Variants in RNF128 observed in about 807,000 individuals in gnomAD.
RNF128 encodes ring finger protein 128.
In RNF128, 13 loss-of-function variants were observed where a neutral mutation model predicts 26.2. The ratio of observed to expected loss-of-function variants is 0.50; its 90% CI spans 0.32 to 0.79. The LOEUF is 0.79. Among genes scored for constraint, RNF128 ranks in the 30% least tolerant of loss-of-function variants. RNF128 has a pLI of 0.03. For synonymous variants in RNF128, 149 were observed against 142.5 expected (o/e 1.05, Z -0.32); for missense variants, 315 against 349.7 (o/e 0.90, Z 0.79).
At chrX:106,744,062 T>A (rs996759483) in intron 1 of RNF128, among the ~76,000 whole-genome samples, 4 of 107,515 alleles carry the variant, frequency 3.7e-5, no homozygotes, top group Non-Finnish European at 7.7e-5. Context: ...ATGAGAACAC[T>A]TGGACACAGG....
chrX:106,719,201 T>A (rs766193471), intron 1 of RNF128, among the ~76,000 whole-genome samples: 68 of 94,153 alleles, frequency 7.2e-4, no homozygotes, highest in African/African-American at 2.5e-3. Context: ...GCCTGTAGAT[T>A]AAAAAAAAAA....
At chrX:106,712,413 A>G (rs1269531360) in intron 1 of RNF128, among the ~76,000 whole-genome samples, 1 of 112,589 alleles carries the variant, frequency 8.9e-6, no homozygotes, top group African/African-American at 3.2e-5. Context: ...AAAGCCAGTA[A>G]AGCAAGGTTA....
chrX:106,756,562 C>T (rs1350308666), intron 1 of RNF128, among the ~76,000 whole-genome samples: 1 of 109,625 alleles, frequency 9.1e-6, no homozygotes, highest in Non-Finnish European at 1.9e-5. Context: ...GGATCCCTTC[C>T]TTACACCTTA....
intron 1 of RNF128, among the ~76,000 whole-genome samples, chrX:106,768,187 T>G (rs2147692248): frequency 9.0e-6 from 1 of 111,520 alleles, no homozygotes; most frequent in East Asian, 2.8e-4. Flanking sequence ...TTTTTTTATT[T>G]TCTCTCTGCC....
chrX:106,771,730 G>A (rs1392402756), intron 1 of RNF128, among the ~76,000 whole-genome samples: 4 of 112,566 alleles, frequency 3.6e-5, no homozygotes, highest in Non-Finnish European at 5.6e-5. Context: ...GCCCTGCTCC[G>A]TGGGCTGTAC....
chrX:106,704,587 C>A (rs1254837971), intron 1 of RNF128, among the ~76,000 whole-genome samples: 1 of 110,841 alleles, frequency 9.0e-6, no homozygotes, highest in Non-Finnish European at 1.9e-5. Context: ...CATGATAAGA[C>A]GGGTTTTGGT....
intron 1 of RNF128, among the ~76,000 whole-genome samples, chrX:106,754,411 T>TTTG (rs1929961695): frequency 8.9e-5 from 1 of 11,203 alleles, no homozygotes; most frequent in African/African-American, 3.6e-4. Flanking sequence ...TTTCTTTCTC[T>TTTG]TTTTTTTTTT....
chrX:106,790,009 G>A (rs1057345577), intron 4 of RNF128, among the ~76,000 whole-genome samples, 177 bp from the exon 5 acceptor site: 9 of 110,071 alleles, frequency 8.2e-5, no homozygotes, highest in African/African-American at 2.3e-4. Context: ...TAAAAGTACC[G>A]TATTATGGAA....
At chrX:106,698,652 T>C (rs1335305429) in intron 1 of RNF128, among the ~76,000 whole-genome samples, 1 of 111,485 alleles carries the variant, frequency 9.0e-6, no homozygotes, top group Non-Finnish European at 1.9e-5. Flanking sequence ...CACTCTATCT[T>C]AGACCTCTAC....
rs1348274120 is a variant in RNF128 at position 106,756,481 on chromosome X, T to A, written c.485-16432T>A. 9.1e-5 allele frequency among the ~76,000 whole-genome samples: 10 copies of A among 110,233 alleles called. No individual in the cohort carries two copies. In the East Asian group the frequency reaches 2.8e-3, roughly 31 times the overall value. On this transcript the variant is annotated intron_variant, in intron 1 of 6. Transcript: ENST00000255499. ...TGACAAACCTGACAAAAACAAGCAA[T>A]GGGGAAAGGATTCCCTATTTAATAA... is the stretch of plus-strand genomic sequence containing the variant.
At chrX:106,789,556 A>ATATACAT (rs1430691176) in intron 4 of RNF128, among the ~76,000 whole-genome samples, 1 of 100,780 alleles carries the variant, frequency 9.9e-6, no homozygotes, top group Admixed American at 1.1e-4. Flanking sequence ...AATATATACT[A>ATATACAT]TATAATATTA....
At chrX:106,730,044 C>T (rs1387478382) in intron 1 of RNF128, among the ~76,000 whole-genome samples, 3 of 112,127 alleles carry the variant, frequency 2.7e-5, no homozygotes, top group African/African-American at 6.5e-5. Context: ...TCTCTTCACT[C>T]ACTCTCATAG....
chrX:106,766,530 T>C (rs764244367), intron 1 of RNF128, among the ~76,000 whole-genome samples: 7 of 112,603 alleles, frequency 6.2e-5, no homozygotes, highest in Admixed American at 1.9e-4. Context: ...AAGTGTCTGT[T>C]CATATCCTTT....
chrX:106,720,658 A>G lies in RNF128; in HGVS notation c.406+26250A>G, dbSNP rs186228496. Among the ~76,000 whole-genome samples the G allele has an allele frequency of 2.7e-5, 3 of 111,454 alleles. No homozygotes were observed. In the East Asian group the frequency reaches 8.5e-4, roughly 32 times the overall value. ...CTCCCTATGTATGTGTAGAGGTAGT[A>G]TAGCAGAATGAAAACAGCATGGAAT... is the stretch of plus-strand genomic sequence containing the variant. On this transcript the variant is annotated intron_variant, in intron 1 of 6. Transcript: ENST00000324342.
intron 1 of RNF128, among the ~76,000 whole-genome samples, chrX:106,754,556 A>T (rs781209313): frequency 3.5e-4 from 37 of 106,385 alleles, no homozygotes; most frequent in Non-Finnish European, 1.3e-4. Flanking sequence ...CAGCATGCCC[A>T]GCCAAAATTT....
chrX:106,760,413 G>T (rs1930098795), intron 1 of RNF128, among the ~76,000 whole-genome samples: 2 of 111,462 alleles, frequency 1.8e-5, no homozygotes, highest in African/African-American at 3.3e-5. Flanking sequence ...TCAGGAAAAT[G>T]CAAATCAAAA....
At chrX:106,700,308 G>A (rs2147657057) in intron 1 of RNF128, among the ~76,000 whole-genome samples, 1 of 111,087 alleles carries the variant, frequency 9.0e-6, no homozygotes, top group South Asian at 3.9e-4. Flanking sequence ...ATAGTCGTGA[G>A]CCGTCGCACT....
At chrX:106,720,556 A>G (rs1465932963) in intron 1 of RNF128, among the ~76,000 whole-genome samples, 1 of 110,292 alleles carries the variant, frequency 9.1e-6, no homozygotes, top group Non-Finnish European at 1.9e-5. Flanking sequence ...GCTCAGCAGG[A>G]TTCTGGTGAG....
At chrX:106,751,959 C>A (rs1929898243) in intron 1 of RNF128, among the ~76,000 whole-genome samples, 2 of 110,039 alleles carry the variant, frequency 1.8e-5, no homozygotes, top group Admixed American at 9.6e-5. Flanking sequence ...GGAGAGACTC[C>A]TTTTCTCTGC....
Sources: allele counts gnomAD v4.1 joint callset (sites outside exome capture counted in the v4.1 genomes callset), GRCh38; gene constraint gnomAD v4.1.1; transcripts MANE v1.5; gene names NCBI Gene and HGNC (gene_info 2026-07-23, HGNC 2026-07-21).